The following SLBP variants were observed in gnomAD, a reference collection of about 807,000 sequenced individuals.
SLBP encodes stem-loop histone mRNA binding protein.
SLBP carries 29 observed loss-of-function variants against 39.2 expected under a neutral mutation model. The ratio of observed to expected loss-of-function variants is 0.74; its 90% CI spans 0.55 to 1.01. The LOEUF is 1.01. Ranked by LOEUF, SLBP falls within the 50% of genes least tolerant of loss-of-function variation. The probability of loss-of-function intolerance (pLI) is 0.00; values close to 1 mark genes in which losing one functional copy is unlikely to be tolerated. For missense variants in SLBP, 390 were observed against 350.2 expected (o/e 1.11, Z -0.91); for synonymous variants, 129 against 118.7 (o/e 1.09, Z -0.57).
At chr4:1,697,563 G>C (rs182086860) in intron 5 of SLBP, among the ~76,000 whole-genome samples, 1 of 149,476 alleles carries the variant, frequency 6.7e-6, no homozygotes, top group African/African-American at 2.5e-5. Flanking sequence ...TATCCGGGCC[G>C]GGTGCGGTGG....
intron 4 of SLBP, 44 bp from the exon 5 acceptor site, chr4:1,699,745 T>A (rs112717496): frequency 8.8e-6 from 14 of 1,585,948 alleles, no homozygotes; most frequent in Middle Eastern, 1.7e-4. Context: ...GCAATTAAGA[T>A]CACCATGTAT....
At chr4:1,709,900 G>A (rs1471277061) in intron 2 of SLBP, among the ~76,000 whole-genome samples, 2 of 152,148 alleles carry the variant, frequency 1.3e-5, no homozygotes, top group African/African-American at 2.4e-5. Flanking sequence ...GAGCCACCGC[G>A]CCCGGCCTAC....
At chr4:1,702,969 G>T (rs190075572) in intron 3 of SLBP, among the ~76,000 whole-genome samples, 1 of 152,064 alleles carries the variant, frequency 6.6e-6, no homozygotes, top group Non-Finnish European at 1.5e-5. Context: ...TAGTTAGGCC[G>T]GGCACAGTGA....
chr4:1,704,731 C>T (rs774781579), intron 2 of SLBP, among the ~76,000 whole-genome samples: 7 of 152,090 alleles, frequency 4.6e-5, no homozygotes, highest in Non-Finnish European at 8.8e-5. Flanking sequence ...TGGGTGTTTC[C>T]GCTGTGTAGT....
chr4:1,711,855 C>A lies in SLBP; in HGVS notation c.176+19G>T, dbSNP rs1316472444. On this transcript the variant is annotated intron_variant, in intron 2 of 7. Coordinates refer to ENST00000489418, the MANE Select transcript of SLBP (RefSeq NM_006527.4). The stretch of plus-strand genomic sequence containing the variant: ...GTCAAGGGCCCCACCGCGCCCCGAC[C>A]CCCGGGTCCCGCGCCCACCTCTCGG... 7.9e-7 allele frequency: 1 copy of A among 1,271,670 alleles called. No homozygotes were observed. The highest frequency in any genetic ancestry group is 1.0e-6 in the Non-Finnish European group (1 of 998,956). 78.8% of individuals were successfully genotyped at this position (1,271,670 alleles called of 1,614,324 possible).
chr4:1,693,492 A>G lies in SLBP; in HGVS notation c.*105T>C, dbSNP rs546588086. 4.8e-5 allele frequency: 35 copies of G among 722,424 alleles called. No homozygotes were observed. The highest frequency in any genetic ancestry group is 8.8e-5 in the Non-Finnish European group (35 of 399,036). The allele number at this position is 722,424 out of a possible 1,614,324, so 44.8% of individuals were successfully genotyped here. ...ATTCAGCATGAGCTAATGGACTGCT[A>G]ACAGAGAAACCACCAGGTACAAGTG... On this transcript the variant is annotated 3_prime_UTR_variant, in exon 8 of 8. Coordinates refer to ENST00000489418, the MANE Select transcript of SLBP (RefSeq NM_006527.4).
intron 2 of SLBP, among the ~76,000 whole-genome samples, chr4:1,709,821 C>CA (rs1716668676): frequency 6.6e-6 from 1 of 152,206 alleles, no homozygotes; most frequent in Admixed American, 6.5e-5. Context: ...CCGTGTTAGC[C>CA]AGGATGGTCT....
chr4:1,705,418 A>T (rs974911018), intron 2 of SLBP, among the ~76,000 whole-genome samples: 8 of 152,246 alleles, frequency 5.3e-5, no homozygotes, highest in African/African-American at 1.9e-4. Flanking sequence ...AAACTTATCC[A>T]GCCCACCCCA....
chr4:1,705,899 T>A, intron 2 of SLBP, among the ~76,000 whole-genome samples: 1 of 152,082 alleles, frequency 6.6e-6, no homozygotes, highest in East Asian at 1.9e-4. Flanking sequence ...GGCAGGAGGA[T>A]CACTCTAGCC....
Position 1,703,058 on chromosome 4 carries a change from G to A in SLBP, c.281+538C>T, listed in dbSNP as rs540380373. On this transcript the variant is annotated intron_variant, in intron 3 of 7. Coordinates refer to ENST00000489418, the MANE Select transcript of SLBP (RefSeq NM_006527.4). ...TCAAGACCAGCCTGACAAACATAGT[G>A]AAACCCCATCTCTACAAAAAATACA... 1.5e-4 allele frequency among the ~76,000 whole-genome samples: 23 copies of A among 152,124 alleles called. No individual in the cohort carries two copies. In the South Asian group the frequency reaches 4.8e-3, roughly 32 times the overall value.
intron 3 of SLBP, among the ~76,000 whole-genome samples, chr4:1,701,372 C>G (rs1716324348): frequency 1.3e-5 from 2 of 151,980 alleles, no homozygotes; most frequent in Admixed American, 1.3e-4. Context: ...GTCTCGAACT[C>G]CTGATCTCAG....
intron 1 of SLBP, 30 bp from the exon 2 acceptor site, chr4:1,712,020 C>G (rs757976677): frequency 3.2e-6 from 4 of 1,267,510 alleles, no homozygotes; most frequent in Non-Finnish European, 4.0e-6. Context: ...CGGCTGGGCA[C>G]GGGAGGTTCG....
At chr4:1,711,418 C>G (rs909284793) in intron 2 of SLBP, among the ~76,000 whole-genome samples, 4 of 152,162 alleles carry the variant, frequency 2.6e-5, no homozygotes, top group Non-Finnish European at 4.4e-5. Flanking sequence ...CTTATTTCCT[C>G]CAGACCCTCC....
chr4:1,696,176 A>G, intron 6 of SLBP, 26 bp downstream of exon 6: 1 of 1,554,656 alleles, frequency 6.4e-7, no homozygotes, highest in Non-Finnish European at 8.7e-7. Context: ...AGAGAATCAC[A>G]GGACAAGAAT....
At chr4:1,702,892 G>C (rs756144189) in intron 3 of SLBP, among the ~76,000 whole-genome samples, 1 of 152,134 alleles carries the variant, frequency 6.6e-6, no homozygotes, top group Non-Finnish European at 1.5e-5. Flanking sequence ...TCCATCTACT[G>C]TGCTGGGTTG....
At chr4:1,705,748 T>C (rs1716492825) in intron 2 of SLBP, among the ~76,000 whole-genome samples, 1 of 152,218 alleles carries the variant, frequency 6.6e-6, no homozygotes, top group African/African-American at 2.4e-5. Context: ...AGAAGTTGTC[T>C]TTTTCATGTG....
At chr4:1,701,794 C>T (rs1266101298) in intron 3 of SLBP, among the ~76,000 whole-genome samples, 2 of 152,154 alleles carry the variant, frequency 1.3e-5, no homozygotes, top group Non-Finnish European at 2.9e-5. Context: ...ATAATCCCAG[C>T]TACTCGAGAG....
intron 2 of SLBP, among the ~76,000 whole-genome samples, chr4:1,708,184 A>G (rs1716596435): frequency 6.6e-6 from 1 of 152,126 alleles, no homozygotes. Flanking sequence ...CTTGGAAGGC[A>G]GAGGTTACAG....
In SLBP at chr4:1,693,202, T is replaced by C. The variant is rs1339516574; in HGVS notation, c.*395A>G. 3 of 166,914 alleles carry C rather than the reference T, an allele frequency of 1.8e-5. No individual in the cohort carries two copies. The highest frequency in any genetic ancestry group is 1.5e-4 in the South Asian group (1 of 6,702). 10.3% of individuals were successfully genotyped at this position (166,914 alleles called of 1,614,324 possible). A position where few individuals can be genotyped will look rare whatever the true frequency, so the allele number is the denominator to read the frequency against. ...GAGAATACTTTGATGCCTATAAAAG[T>C]AGCTGACTCTCAATTGGTCCCATGG... On this transcript the variant is annotated 3_prime_UTR_variant, in exon 8 of 8. Transcript: ENST00000489418.
Sources: allele counts gnomAD v4.1 joint callset (sites outside exome capture counted in the v4.1 genomes callset), GRCh38; gene constraint gnomAD v4.1.1; transcripts MANE v1.5; gene names NCBI Gene and HGNC (gene_info 2026-07-23, HGNC 2026-07-21).